Variants in SIRPA observed in about 807,000 individuals in gnomAD.
SIRPA encodes tyrosine-protein phosphatase non-receptor type substrate 1.
A neutral mutation model predicts 50.3 loss-of-function variants in SIRPA; 9 were observed. The ratio of observed to expected loss-of-function variants is 0.18; its 90% confidence interval spans 0.11 to 0.31. The LOEUF (loss-of-function observed/expected upper bound fraction) is 0.31. Among genes scored for constraint, SIRPA ranks in the 10% least tolerant of loss-of-function variants. The probability of loss-of-function intolerance (pLI) is 1.00; values close to 1 mark genes in which losing one functional copy is unlikely to be tolerated. For synonymous variants in SIRPA, 265 were observed against 284.1 expected, an observed-to-expected ratio of 0.93 and a Z score of 0.68; for missense variants, 474 against 661.6, an observed-to-expected ratio of 0.72 and a Z score of 3.11.
chr20:1,915,689 G>A (rs935964393), intron 2 of SIRPA, among the ~76,000 whole-genome samples: 4 of 152,220 alleles, frequency 2.6e-5, no homozygotes, highest in African/African-American at 9.6e-5. Context: ...GCCTGGCTGT[G>A]TAGCCCTGGC....
chr20:1,933,980 T>C lies in SIRPA; in HGVS notation c.1227-735T>C, dbSNP rs377604782. Among the ~76,000 whole-genome samples, 19 of 152,286 alleles carry C rather than the reference T, an allele frequency of 1.2e-4. No homozygotes were observed. In the East Asian group the frequency reaches 3.5e-3, roughly 28 times the overall value. On this transcript the variant is annotated intron_variant, in intron 6 of 7. Transcript: ENST00000358771. The surrounding 1 kb of genome is among the most constrained non-coding windows in gnomAD (Gnocchi z 4.4). ...TATAATACAGAACATTTGGAGAATA[T>C]GGGAAACTAAAAAGGAGAAAAAAAA...
Position 1,921,573 on chromosome 20 carries a change from G to T in SIRPA, c.615G>T (p.Val205=). Residue 205 remains valine (V), a synonymous_variant, in exon 3 of 8, where the codon GTG becomes GTT. Coordinates refer to ENST00000358771, the MANE Select transcript of SIRPA (RefSeq NM_001040023.2). ...ACGTGGACCCCGTAGGAGAGAGCGT[G>T]TCCTACAGCATCCACAGCACAGCCA... ...QTNVDPVGES[V]SYSIHSTAKV... 1 of 1,614,248 alleles carries T rather than the reference G, an allele frequency of 6.2e-7. No individual in the cohort carries two copies. Among genetic ancestry groups the T allele is most frequent in the Non-Finnish European group, 8.5e-7 (1 of 1,180,058 alleles).
chr20:1,910,579 G>A (rs1237694179), intron 1 of SIRPA, among the ~76,000 whole-genome samples: 1 of 152,218 alleles, frequency 6.6e-6, no homozygotes, highest in Admixed American at 6.5e-5. Context: ...GCCAACCACA[G>A]TAGCAGGAGC....
rs879414166 is a variant in SIRPA at position 1,939,611 on chromosome 20, CATTTT to C, written c.*2054_*2058del. On this transcript the variant is annotated 3_prime_UTR_variant, in exon 8 of 8. Coordinates refer to ENST00000358771, the MANE Select transcript of SIRPA (RefSeq NM_001040023.2). This position sits in a 1 kb window ranked among gnomAD's most constrained non-coding sequence, Gnocchi z 4.7. Reference sequence around the variant, plus strand: ...AAGAATGTTTTCTTGGTGCCATTTTCATTTTATTTTATTTTTTAATTCTTGGAGGG... The same window carrying C: ...AAGAATGTTTTCTTGGTGCCATTTTCATTTTATTTTTTAATTCTTGGAGGG... 2 of 152,174 alleles carry C rather than the reference CATTTT, an allele frequency of 1.3e-5. No individual in the cohort carries two copies. Among genetic ancestry groups the C allele is most frequent in the African/African-American group, 2.4e-5 (1 of 41,432 alleles). 9.4% of individuals were successfully genotyped at this position (152,174 alleles called of 1,614,324 possible).
At chr20:1,913,670 G>A (rs188336979) in intron 1 of SIRPA, among the ~76,000 whole-genome samples, 39 of 152,220 alleles carry the variant, frequency 2.6e-4, no homozygotes, top group African/African-American at 7.9e-4. Context: ...ATTCTAGCTC[G>A]CTCTCTCACT....
chr20:1,911,957 A>C (rs1405090450), intron 1 of SIRPA, among the ~76,000 whole-genome samples: 1 of 152,142 alleles, frequency 6.6e-6, no homozygotes, highest in Non-Finnish European at 1.5e-5. Context: ...AAAAAAAAAA[A>C]AAAACCCCTC....
At chr20:1,908,371 C>T (rs1174848660) in intron 1 of SIRPA, among the ~76,000 whole-genome samples, 1 of 152,072 alleles carries the variant, frequency 6.6e-6, no homozygotes, top group African/African-American at 2.4e-5. Context: ...ACCCTCTACA[C>T]ACACATACAC....
rs1986796248 is a variant in SIRPA, at chr20:1,940,249, AAGG to A, written c.*2685_*2687del. On this transcript the variant is annotated 3_prime_UTR_variant, in exon 8 of 8. Coordinates refer to ENST00000358771, the MANE Select transcript of SIRPA (RefSeq NM_001040023.2). ...CCTGCCAGGGTGACTGTGTGGATTC[AAGG>A]AGGTTGGAAGCACTGAGCCCACGCT... The A allele has an allele frequency of 6.6e-6, 1 of 152,248 alleles. No homozygotes were observed. The highest frequency in any genetic ancestry group is 6.5e-5 in the Admixed American group (1 of 15,286). The allele number at this position is 152,248 out of a possible 1,614,324, so 9.4% of individuals were successfully genotyped here. A position where few individuals can be genotyped will look rare whatever the true frequency, so the allele number is the denominator to read the frequency against.
upstream of SIRPA, among the ~76,000 whole-genome samples, chr20:1,894,990 C>T (rs1209567725): frequency 6.8e-6 from 1 of 147,558 alleles, no homozygotes; most frequent in Non-Finnish European, 1.5e-5. This position sits in a 1 kb window ranked among gnomAD's most constrained non-coding sequence, Gnocchi z 4.0. Flanking sequence ...GGGGCGGCTC[C>T]GCGCGGCCGG....
rs371173447 is a variant in SIRPA at position 1,915,442 on chromosome 20, G to C, written c.423G>C (p.Glu141Asp). ...DVEFKSGAGT[E>D]LSVRAKPSAP... ...AGTTTAAGTCTGGAGCAGGCACTGA[G>C]CTGTCTGTGCGCGGTGAGTACAGCG... The change falls in exon 2 of 8, where the codon GAG (glutamate) becomes GAC (aspartate). Residue 141 changes from glutamate (E) to aspartate (D), a missense_variant. Around this residue, in one of 4 missense-constraint regions of SIRPA, gnomAD observed 221 missense variants for 359.9 expected, o/e 0.61. Coordinates refer to ENST00000358771, the MANE Select transcript of SIRPA (RefSeq NM_001040023.2). The C allele has an allele frequency of 3.1e-6, 5 of 1,613,326 alleles. No homozygotes were observed. The African/African-American group carries it at 5.3e-5, about 17-fold the overall frequency.
At chr20:1,929,273 C>T (rs1032708168) in intron 6 of SIRPA, among the ~76,000 whole-genome samples, 4 of 151,858 alleles carry the variant, frequency 2.6e-5, no homozygotes, top group African/African-American at 7.3e-5. Context: ...TGTAGGTGAC[C>T]ATAGCGGTAC....
intron 4 of SIRPA, 44 bp downstream of exon 4, chr20:1,922,689 G>C (rs771049390): frequency 1.3e-6 from 2 of 1,533,132 alleles, no homozygotes; most frequent in South Asian, 1.2e-5. Flanking sequence ...TAAACTTTTA[G>C]TTTTGTGGGT....
rs565199195 is a variant in SIRPA at position 1,937,913 on chromosome 20, G to A, written c.*345G>A. 77 of 280,938 alleles carry A rather than the reference G, an allele frequency of 2.7e-4. No individual in the cohort carries two copies. The East Asian group carries it at 4.0e-3, about 15-fold the overall frequency. 17.4% of individuals were successfully genotyped at this position (280,938 alleles called of 1,614,324 possible). Reference sequence around the variant, plus strand: ...TTTGAAGACCCTCGACTGCCTCCCCGATGCTCCGAAGCCTGATCTTCCAGG... The same window carrying A: ...TTTGAAGACCCTCGACTGCCTCCCCAATGCTCCGAAGCCTGATCTTCCAGG... On this transcript the variant is annotated 3_prime_UTR_variant, in exon 8 of 8. Coordinates refer to ENST00000358771, the MANE Select transcript of SIRPA (RefSeq NM_001040023.2). The surrounding 1 kb of genome is among the most constrained non-coding windows in gnomAD (Gnocchi z 8.3).
At chr20:1,917,576 G>A (rs989836456) in intron 2 of SIRPA, among the ~76,000 whole-genome samples, 1 of 152,170 alleles carries the variant, frequency 6.6e-6, no homozygotes, top group Non-Finnish European at 1.5e-5. Flanking sequence ...GGGAGTAGGA[G>A]GGACTGGCCC....
intron 2 of SIRPA, among the ~76,000 whole-genome samples, chr20:1,916,962 TC>T (rs1267716020): frequency 6.6e-6 from 1 of 152,204 alleles, no homozygotes; most frequent in Admixed American, 6.5e-5. Flanking sequence ...GGTGGCTTTA[TC>T]CTGATTGTGC....
At chr20:1,894,228 T>TG (rs1172905762), upstream of SIRPA, 10 of 152,004 alleles carry the variant, frequency 6.6e-5, no homozygotes, top group Non-Finnish European at 1.3e-4. The surrounding 1 kb of genome is among the most constrained non-coding windows in gnomAD (Gnocchi z 4.0). Flanking sequence ...CACGACCTCC[T>TG]GGGGAGGGTT....
In SIRPA at chr20:1,936,539, C is replaced by T; in HGVS notation, c.1267-781C>T. ...CAGGCTTTCTGACTCCAGAACGTTT[C>T]CCGCTTCACTAACTGGCGATCTCGT... On this transcript the variant is annotated intron_variant, in intron 7 of 7. Coordinates refer to ENST00000358771, the MANE Select transcript of SIRPA (RefSeq NM_001040023.2). The surrounding 1 kb of genome is among the most constrained non-coding windows in gnomAD (Gnocchi z 4.2). Among the ~76,000 whole-genome samples the T allele has an allele frequency of 6.6e-6, 1 of 152,178 alleles. No individual in the cohort carries two copies.
At position 1,928,856 on chromosome 20, in the gene SIRPA, G is replaced by A. The variant is rs898233728; in HGVS notation, c.1226+957G>A. 3.9e-5 allele frequency among the ~76,000 whole-genome samples: 6 copies of A among 152,144 alleles called. No homozygotes were observed. Among genetic ancestry groups the A allele is most frequent in the Non-Finnish European group, 8.8e-5 (6 of 68,020 alleles). On this transcript the variant is annotated intron_variant, in intron 6 of 7. Transcript: ENST00000358771. The surrounding 1 kb of genome is among the most constrained non-coding windows in gnomAD (Gnocchi z 4.9). ...ATGCCCCTGCAGTCAGAGGTGTTAC[G>A]AACTATTCTGTGAAAAGCCTTTATC...
rs1986773438 is a variant in SIRPA, at chr20:1,939,593, T to C, written c.*2025T>C. ...ACACATTCAGTATTTTAAAAGAATG[T>C]TTTCTTGGTGCCATTTTCATTTTAT... On this transcript the variant is annotated 3_prime_UTR_variant, in exon 8 of 8. Coordinates refer to ENST00000358771, the MANE Select transcript of SIRPA (RefSeq NM_001040023.2). This position sits in a 1 kb window ranked among gnomAD's most constrained non-coding sequence, Gnocchi z 4.7. 6.6e-6 allele frequency: 1 copy of C among 152,234 alleles called. No homozygotes were observed. Among genetic ancestry groups the C allele is most frequent in the South Asian group, 2.1e-4 (1 of 4,834 alleles). The allele number at this position is 152,234 out of a possible 1,614,324, so 9.4% of individuals were successfully genotyped here. A position where few individuals can be genotyped will look rare whatever the true frequency, so the allele number is the denominator to read the frequency against.
Sources: allele counts gnomAD v4.1 joint callset (sites outside exome capture counted in the v4.1 genomes callset), GRCh38; gene constraint gnomAD v4.1.1; regional missense constraint gnomAD v4.1.1; non-coding constraint Gnocchi (gnomAD v3.1); transcripts MANE v1.5; gene names NCBI Gene and HGNC (gene_info 2026-07-23, HGNC 2026-07-21).